SPATA16: variants seen among roughly 807,000 people sequenced by gnomAD.
SPATA16 encodes spermatogenesis associated 16.
In SPATA16, 36 loss-of-function variants were observed where a neutral mutation model predicts 63.3. The ratio of observed to expected loss-of-function variants is 0.57; its 90% CI spans 0.44 to 0.75. The LOEUF (loss-of-function observed/expected upper bound fraction) is 0.75. SPATA16 is among the 30% of genes least tolerant of loss of function. SPATA16 has a pLI of 0.00. For missense variants in SPATA16, 646 were observed against 679.3 expected (o/e 0.95, Z 0.54); for synonymous variants, 203 against 216.7 (o/e 0.94, Z 0.56).
intron 2 of SPATA16, among the ~76,000 whole-genome samples, chr3:173,106,991 C>T (rs963446815): frequency 2.0e-5 from 3 of 152,156 alleles, no homozygotes; most frequent in Non-Finnish European, 4.4e-5. Flanking sequence ...AGTTTGTGTT[C>T]ATATTGTGTA....
At chr3:172,984,161 C>T (rs993814542) in intron 4 of SPATA16, among the ~76,000 whole-genome samples, 3 of 152,230 alleles carry the variant, frequency 2.0e-5, no homozygotes, top group Admixed American at 6.5e-5. Flanking sequence ...CTTGGGTACA[C>T]AAGCACATTT....
intron 5 of SPATA16, among the ~76,000 whole-genome samples, chr3:172,966,401 C>A (rs1733920952): frequency 6.6e-6 from 1 of 152,140 alleles, no homozygotes; most frequent in African/African-American, 2.4e-5. Flanking sequence ...TTGAAATAAT[C>A]CTCCTGAGGT....
At chr3:173,066,537 C>T (rs1736525357) in intron 2 of SPATA16, among the ~76,000 whole-genome samples, 1 of 152,208 alleles carries the variant, frequency 6.6e-6, no homozygotes, top group East Asian at 1.9e-4. Flanking sequence ...TCTTCCTTAT[C>T]TTACTCAAGT....
chr3:173,128,085 C>A (rs1738273846), intron 1 of SPATA16, among the ~76,000 whole-genome samples: 1 of 152,044 alleles, frequency 6.6e-6, no homozygotes, highest in Non-Finnish European at 1.5e-5. Context: ...GTTCTAACAC[C>A]TTTACTCTAA....
At chr3:172,939,073 C>T (rs1450490596) in intron 6 of SPATA16, among the ~76,000 whole-genome samples, 1 of 152,122 alleles carries the variant, frequency 6.6e-6, no homozygotes, top group Non-Finnish European at 1.5e-5. Context: ...CGGGAGCCCC[C>T]GCTTCAAGAT....
At chr3:173,094,746 A>G (rs1443851214) in intron 2 of SPATA16, among the ~76,000 whole-genome samples, 2 of 142,020 alleles carry the variant, frequency 1.4e-5, no homozygotes, top group African/African-American at 2.6e-5. Context: ...TGGGAGGGGT[A>G]ATGGAGACGG....
chr3:173,125,649 G>T (rs761389783), intron 1 of SPATA16, among the ~76,000 whole-genome samples: 1 of 152,004 alleles, frequency 6.6e-6, no homozygotes, highest in South Asian at 2.1e-4. Flanking sequence ...ATATTTGTTC[G>T]CAAATAAGCC....
intron 2 of SPATA16, among the ~76,000 whole-genome samples, chr3:173,069,282 A>G (rs1042891765): frequency 1.3e-5 from 2 of 152,074 alleles, no homozygotes; most frequent in Non-Finnish European, 2.9e-5. Context: ...AATAAATAAA[A>G]TTGGAGACAA....
At chr3:173,116,185 C>G (rs1737894982) in intron 2 of SPATA16, among the ~76,000 whole-genome samples, 1 of 152,180 alleles carries the variant, frequency 6.6e-6, no homozygotes, top group African/African-American at 2.4e-5. Flanking sequence ...AGTCACCATG[C>G]CAGGACTTTA....
chr3:173,117,788 T>C, intron 1 of SPATA16, 39 bp from the exon 2 acceptor site: 1 of 1,613,218 alleles, frequency 6.2e-7, no homozygotes, highest in Non-Finnish European at 8.5e-7. Context: ...TAAGGCAATA[T>C]TTTGAATTCC....
rs568167258 is a variant in SPATA16, at chr3:172,952,636, C to T, written c.1081+4041G>A. ...CTGGAAATGGATTCTAGATGTATGA[C>T]TGAGGTAAAAAGAAAAGAGTTTGGG... is the stretch of plus-strand genomic sequence containing the variant. On this transcript the variant is annotated intron_variant, in intron 6 of 10. Transcript: ENST00000351008. 1.1e-3 allele frequency among the ~76,000 whole-genome samples: 171 copies of T among 152,130 alleles called. 1 individual carries two copies. The highest frequency in any genetic ancestry group is 4.0e-3 in the African/African-American group (166 of 41,494).
At chr3:173,118,336 C>T (rs958198828) in intron 1 of SPATA16, among the ~76,000 whole-genome samples, 2 of 152,184 alleles carry the variant, frequency 1.3e-5, no homozygotes, top group African/African-American at 2.4e-5. Flanking sequence ...AGAAGAAGAA[C>T]ATGACCTTCA....
chr3:172,959,306 A>G (rs1051410962), intron 5 of SPATA16, among the ~76,000 whole-genome samples: 21 of 152,204 alleles, frequency 1.4e-4, no homozygotes, highest in African/African-American at 5.1e-4. Context: ...AAAAAGTGGC[A>G]GAAGTGTAGG....
intron 4 of SPATA16, among the ~76,000 whole-genome samples, chr3:173,015,929 G>A (rs368033963): frequency 6.6e-5 from 10 of 152,060 alleles, no homozygotes; most frequent in African/African-American, 2.2e-4. Context: ...GCAGATTTGA[G>A]TGATGACATT....
chr3:172,970,186 C>A (rs1734016705), intron 5 of SPATA16, among the ~76,000 whole-genome samples: 2 of 152,270 alleles, frequency 1.3e-5, no homozygotes, highest in East Asian at 3.9e-4. Context: ...TCAGGCCCAA[C>A]CTTTTTCTCC....
At chr3:173,010,789 G>C (rs1438964758) in intron 4 of SPATA16, among the ~76,000 whole-genome samples, 2 of 151,886 alleles carry the variant, frequency 1.3e-5, no homozygotes, top group African/African-American at 4.8e-5. Flanking sequence ...ATTTCCGTTG[G>C]GCTCCTACCA....
intron 2 of SPATA16, among the ~76,000 whole-genome samples, chr3:173,105,783 T>G (rs1737606300): frequency 7.0e-6 from 1 of 143,770 alleles, no homozygotes; most frequent in Non-Finnish European, 1.5e-5. Context: ...CTCCCTGTCT[T>G]CATCCCTCCC....
intron 6 of SPATA16, among the ~76,000 whole-genome samples, chr3:172,929,192 A>G (rs1377799013): frequency 3.3e-5 from 5 of 152,208 alleles, no homozygotes; most frequent in Admixed American, 2.0e-4. Flanking sequence ...ATTTATCCCA[A>G]TTGGAGATGA....
At chr3:173,116,036 G>C (rs1296763934) in intron 2 of SPATA16, among the ~76,000 whole-genome samples, 2 of 151,996 alleles carry the variant, frequency 1.3e-5, no homozygotes, top group African/African-American at 4.8e-5. Context: ...TAGTAGTATA[G>C]ATGTGTGCCA....
Sources: allele counts gnomAD v4.1 joint callset (sites outside exome capture counted in the v4.1 genomes callset), GRCh38; gene constraint gnomAD v4.1.1; transcripts MANE v1.5; gene names NCBI Gene and HGNC (gene_info 2026-07-23, HGNC 2026-07-21).